Variants in DNAL1 observed in about 807,000 individuals in gnomAD.
The protein encoded by DNAL1 is chromosome 14 open reading frame 168.
Under a neutral mutation model 29.4 loss-of-function variants are expected in DNAL1, and 17 were observed. The ratio of observed to expected loss-of-function variants is 0.58; its 90% CI spans 0.40 to 0.87. The LOEUF is 0.87. Among genes scored for constraint, DNAL1 ranks in the 40% least tolerant of loss-of-function variants. The probability of loss-of-function intolerance (pLI) is 0.00; values close to 1 mark genes in which losing one functional copy is unlikely to be tolerated. For synonymous variants in DNAL1, 78 were observed against 76.3 expected, an observed-to-expected ratio of 1.02 and a Z score of -0.12; for missense variants, 188 against 214.1, an observed-to-expected ratio of 0.88 and a Z score of 0.76.
chr14:73,652,135 T>C (rs990420855), intron 1 of DNAL1, among the ~76,000 whole-genome samples: 2 of 151,986 alleles, frequency 1.3e-5, no homozygotes, highest in Non-Finnish European at 2.9e-5. Context: ...TCCCGGGCTC[T>C]AGTGGTCCTC....
intron 1 of DNAL1, among the ~76,000 whole-genome samples, chr14:73,649,278 T>G (rs1420275383): frequency 6.6e-6 from 1 of 150,500 alleles, no homozygotes; most frequent in Non-Finnish European, 1.5e-5. Context: ...CCGGCTGATG[T>G]GTTTGACATT....
intron 1 of DNAL1, among the ~76,000 whole-genome samples, chr14:73,648,444 G>A (rs1210975850): frequency 2.8e-5 from 2 of 70,310 alleles, no homozygotes; most frequent in African/African-American, 7.8e-5. Flanking sequence ...TTTGTTTTTT[G>A]GGGGGACAAG....
chr14:73,671,619 TTTTA>T (rs1477951936), intron 5 of DNAL1, 22 bp downstream of exon 5: 6 of 1,415,580 alleles, frequency 4.2e-6, no homozygotes, highest in Non-Finnish European at 5.6e-6. Context: ...TTTATTATTA[TTTTA>T]TTTATTTAAT....
intron 3 of DNAL1, among the ~76,000 whole-genome samples, chr14:73,660,786 C>A (rs1208653473): frequency 1.3e-5 from 2 of 152,134 alleles, no homozygotes; most frequent in Non-Finnish European, 2.9e-5. Flanking sequence ...TATCATAAAG[C>A]CATCTCAAAG....
At chr14:73,678,533 T>TC (rs1555402433) in intron 5 of DNAL1, among the ~76,000 whole-genome samples, 1 of 140,112 alleles carries the variant, frequency 7.1e-6, no homozygotes, top group East Asian at 1.9e-4. Context: ...TTTTTTTTTT[T>TC]AGCAGTGCTA....
chr14:73,693,623 A>G (rs1280643928), intron 7 of DNAL1, among the ~76,000 whole-genome samples: 2 of 152,174 alleles, frequency 1.3e-5, no homozygotes, highest in Non-Finnish European at 2.9e-5. Context: ...AGGCAGGAAG[A>G]TTGCTTGAGT....
chr14:73,671,549 G>C lies in DNAL1; in HGVS notation c.216G>C (p.Leu72Phe), dbSNP rs1891614891. 2 of 1,487,144 alleles carry C rather than the reference G, an allele frequency of 1.3e-6. No homozygotes were observed. Among genetic ancestry groups the C allele is most frequent in the Admixed American group, 2.2e-5 (1 of 44,472 alleles). 92.1% of individuals were successfully genotyped at this position (1,487,144 alleles called of 1,614,324 possible). ...GTTTTCTTTTCACTACAGAAAACTT[G>C]AGGATATTATCTTTAGGAAGAAACA... ...KIANLNGLKN[L>F]RILSLGRNNI... The change falls in exon 5 of 8, where the codon TTG becomes TTC. Residue 72 changes from leucine to phenylalanine, a missense_variant. Leu to Phe is a conservative substitution (Grantham distance 22). Coordinates refer to ENST00000553645, the MANE Select transcript of DNAL1 (RefSeq NM_031427.4).
intron 1 of DNAL1, among the ~76,000 whole-genome samples, chr14:73,649,392 C>G (rs1444392427): frequency 6.6e-6 from 1 of 151,612 alleles, no homozygotes; most frequent in African/African-American, 2.4e-5. Context: ...ACGCCATTCT[C>G]CTGCCTCAGC....
chr14:73,680,881 G>T (rs1891860029), intron 5 of DNAL1, among the ~76,000 whole-genome samples: 1 of 152,156 alleles, frequency 6.6e-6, no homozygotes, highest in African/African-American at 2.4e-5. Context: ...GAGTGCTGCA[G>T]GCAGTTGGAA....
intron 1 of DNAL1, among the ~76,000 whole-genome samples, chr14:73,647,991 G>A (rs973747477): frequency 6.6e-6 from 1 of 151,884 alleles, no homozygotes; most frequent in Non-Finnish European, 1.5e-5. Context: ...TTGTTTGTTC[G>A]TTTTGATACA....
In DNAL1 at chr14:73,696,064, C is replaced by G. The variant is rs564785814; in HGVS notation, c.*122C>G. 1 of 882,280 alleles carries G rather than the reference C, an allele frequency of 1.1e-6. No individual in the cohort carries two copies. Among genetic ancestry groups the G allele is most frequent in the East Asian group, 3.0e-5 (1 of 33,600 alleles). 54.7% of individuals were successfully genotyped at this position (882,280 alleles called of 1,614,324 possible). On this transcript the variant is annotated 3_prime_UTR_variant, in exon 8 of 8. Coordinates refer to ENST00000553645, the MANE Select transcript of DNAL1 (RefSeq NM_031427.4). ...AAAAGTTTCTTAAGATAAAACAGATCACTCATTCTCATCTTTTTTTTTCCT... is the reference window on the plus strand; with the variant it reads ...AAAAGTTTCTTAAGATAAAACAGATGACTCATTCTCATCTTTTTTTTTCCT...
In DNAL1 at chr14:73,675,116, G is replaced by A. The variant is rs76723019; in HGVS notation, c.264+3519G>A. 4.1e-3 allele frequency among the ~76,000 whole-genome samples: 628 copies of A among 152,076 alleles called. 2 individuals are homozygous for A. The highest frequency in any genetic ancestry group is 0.015 in the African/African-American group (602 of 41,488). On this transcript the variant is annotated intron_variant, in intron 5 of 7. Coordinates refer to ENST00000553645, the MANE Select transcript of DNAL1 (RefSeq NM_031427.4). The stretch of plus-strand genomic sequence containing the variant: ...CAAGCCTGAGCCACCACGCCTGGCT[G>A]AGTAACTCCTACCAGTTGTAATTTT...
intron 5 of DNAL1, among the ~76,000 whole-genome samples, chr14:73,675,211 A>AACACAC (rs141910596): frequency 2.0e-5 from 3 of 147,254 alleles, no homozygotes; most frequent in African/African-American, 5.0e-5. Context: ...CTCACACACA[A>AACACAC]ACACACACAC....
chr14:73,685,898 G>A (rs1200679213), intron 5 of DNAL1, among the ~76,000 whole-genome samples: 4 of 152,228 alleles, frequency 2.6e-5, no homozygotes, highest in South Asian at 4.1e-4. Context: ...GAACATGGGC[G>A]TACCAATATC....
At chr14:73,685,431 A>G (rs2140056699) in intron 5 of DNAL1, among the ~76,000 whole-genome samples, 1 of 150,558 alleles carries the variant, frequency 6.6e-6, no homozygotes, top group Non-Finnish European at 1.5e-5. Flanking sequence ...TCCATGTTGT[A>G]GCGTGTGTCA....
At chr14:73,691,168 G>C (rs1190935959) in intron 7 of DNAL1, among the ~76,000 whole-genome samples, 1 of 152,114 alleles carries the variant, frequency 6.6e-6, no homozygotes, top group African/African-American at 2.4e-5. Context: ...TTATTATGAG[G>C]ATTAAATAAA....
intron 4 of DNAL1, among the ~76,000 whole-genome samples, chr14:73,667,533 C>G (rs1428211087): frequency 1.3e-5 from 2 of 152,194 alleles, no homozygotes; most frequent in African/African-American, 4.8e-5. Context: ...GGATCTTGCT[C>G]TGTCACCCAG....
chr14:73,682,811 A>G (rs1891920423), intron 5 of DNAL1, among the ~76,000 whole-genome samples: 1 of 151,916 alleles, frequency 6.6e-6, no homozygotes, highest in Non-Finnish European at 1.5e-5. Flanking sequence ...TCGTATGACA[A>G]CAGTGCCTTC....
chr14:73,659,319 C>T (rs1319347701), intron 3 of DNAL1, among the ~76,000 whole-genome samples: 2 of 151,830 alleles, frequency 1.3e-5, no homozygotes, highest in Non-Finnish European at 2.9e-5. Flanking sequence ...CATGCCACCA[C>T]GCCCAGCAAT....
Sources: allele counts gnomAD v4.1 joint callset (sites outside exome capture counted in the v4.1 genomes callset), GRCh38; gene constraint gnomAD v4.1.1; transcripts MANE v1.5; gene names NCBI Gene and HGNC (gene_info 2026-07-23, HGNC 2026-07-21).